Variants in NPAS3 observed in about 807,000 individuals in gnomAD.
NPAS3 encodes the protein neuronal PAS domain protein 3.
In NPAS3, 14 loss-of-function variants were observed where a neutral mutation model predicts 73.1. That is an observed-to-expected ratio of 0.19 (90% CI 0.13 to 0.30). NPAS3 has a LOEUF of 0.30. Ranked by LOEUF, NPAS3 falls within the 10% of genes least tolerant of loss-of-function variation. The pLI is 1.00. For missense variants in NPAS3, 1,096 were observed against 1,250.0 expected, an observed-to-expected ratio of 0.88 and a Z score of 1.86; for synonymous variants, 620 against 541.5, an observed-to-expected ratio of 1.14 and a Z score of -2.01.
At chr14:33,346,693 T>G (rs1217087358) in intron 3 of NPAS3, among the ~76,000 whole-genome samples, 2 of 152,206 alleles carry the variant, frequency 1.3e-5, no homozygotes, top group African/African-American at 4.8e-5. Context: ...AAGCAGAGCT[T>G]GAGTTCCTAG....
At chr14:33,267,009 G>A (rs989339434) in intron 3 of NPAS3, among the ~76,000 whole-genome samples, 1 of 152,114 alleles carries the variant, frequency 6.6e-6, no homozygotes, top group African/African-American at 2.4e-5. Context: ...TTTGGGATGG[G>A]TAATTGCCAG....
At chr14:33,543,997 A>ATATATCTATATC (rs1336636713) in intron 4 of NPAS3, among the ~76,000 whole-genome samples, 3 of 61,882 alleles carry the variant, frequency 4.8e-5, no homozygotes, top group South Asian at 4.8e-4. Context: ...ATATATATAT[A>ATATATCTATATC]TATATCTATA....
At chr14:33,537,636 G>A (rs1012023194) in intron 4 of NPAS3, among the ~76,000 whole-genome samples, 1 of 152,184 alleles carries the variant, frequency 6.6e-6, no homozygotes, top group Non-Finnish European at 1.5e-5. Context: ...TGCTAAATGA[G>A]CAAGGTAGTT....
In NPAS3 at chr14:33,121,265, AC is replaced by A. The variant is rs2043220566; in HGVS notation, c.140+65272del. The stretch of plus-strand genomic sequence containing the variant: ...ATATCCTTTTATTTTTCACCTGATG[AC>A]TTTTATTCATACTTGACGAACCAGT... On this transcript the variant is annotated intron_variant, in intron 2 of 11. Transcript: ENST00000356141. 1.3e-5 allele frequency among the ~76,000 whole-genome samples: 2 copies of A among 152,098 alleles called. 1 individual carries two copies. The highest frequency in any genetic ancestry group is 4.1e-4 in the South Asian group (2 of 4,828).
chr14:33,362,049 C>T (rs2045628882), intron 3 of NPAS3, among the ~76,000 whole-genome samples: 1 of 152,120 alleles, frequency 6.6e-6, no homozygotes, highest in Admixed American at 6.5e-5. Flanking sequence ...AAAACAATAA[C>T]AGTGCGTCAT....
intron 1 of NPAS3, among the ~76,000 whole-genome samples, chr14:32,982,494 G>C (rs1477437271): frequency 6.6e-6 from 1 of 151,964 alleles, no homozygotes; most frequent in Non-Finnish European, 1.5e-5. Flanking sequence ...AGGATTGCTT[G>C]AGCCCAGGAG....
intron 9 of NPAS3, among the ~76,000 whole-genome samples, chr14:33,790,551 T>C (rs546236606): frequency 7.1e-6 from 1 of 141,368 alleles, no homozygotes; most frequent in African/African-American, 2.7e-5. Flanking sequence ...CCAGTATGAC[T>C]TTTTTTTTTT....
intron 4 of NPAS3, among the ~76,000 whole-genome samples, chr14:33,373,563 T>C (rs1368826052): frequency 6.6e-6 from 1 of 152,180 alleles, no homozygotes; most frequent in African/African-American, 2.4e-5. Context: ...AACATGTTTG[T>C]ACATAACTAA....
chr14:33,007,426 C>A (rs1352697630), intron 1 of NPAS3, among the ~76,000 whole-genome samples: 1 of 152,170 alleles, frequency 6.6e-6, no homozygotes, highest in Non-Finnish European at 1.5e-5. Context: ...AATCAGCAGT[C>A]AGACTGAGGG....
intron 4 of NPAS3, among the ~76,000 whole-genome samples, chr14:33,504,052 C>A (rs1361485038): frequency 2.6e-5 from 4 of 151,836 alleles, no homozygotes; most frequent in African/African-American, 9.7e-5. Flanking sequence ...TTACTGACAC[C>A]CACCGCACAT....
chr14:33,593,394 A>T (rs1301562273), intron 5 of NPAS3, among the ~76,000 whole-genome samples: 4 of 152,238 alleles, frequency 2.6e-5, no homozygotes, highest in Non-Finnish European at 5.9e-5. Flanking sequence ...TGCATGATAC[A>T]TGGGAAATGC....
chr14:33,544,056 T>C (rs188695455), intron 4 of NPAS3, among the ~76,000 whole-genome samples: 22 of 130,546 alleles, frequency 1.7e-4, no homozygotes, highest in African/African-American at 6.5e-4. Flanking sequence ...GTAGAGTCCT[T>C]CTCCCAGGGT....
intron 6 of NPAS3, among the ~76,000 whole-genome samples, chr14:33,697,251 T>C (rs966247227): frequency 2.5e-4 from 38 of 152,186 alleles, no homozygotes; most frequent in African/African-American, 8.9e-4. Flanking sequence ...TACCTATGTC[T>C]ATCAGACAGC....
At chr14:33,747,872 T>G (rs1028042148) in intron 7 of NPAS3, among the ~76,000 whole-genome samples, 13 of 152,214 alleles carry the variant, frequency 8.5e-5, no homozygotes, top group Non-Finnish European at 1.8e-4. Flanking sequence ...CACTTCGATT[T>G]CTGCTGAAAC....
chr14:33,693,708 C>T (rs184177971), intron 6 of NPAS3, among the ~76,000 whole-genome samples: 81 of 152,262 alleles, frequency 5.3e-4, no homozygotes, highest in Non-Finnish European at 9.7e-4. Flanking sequence ...TTAATATGCA[C>T]TAAAATTGAT....
chr14:33,723,586 T>C (rs1221712717), intron 6 of NPAS3, among the ~76,000 whole-genome samples: 1 of 151,990 alleles, frequency 6.6e-6, no homozygotes, highest in African/African-American at 2.4e-5. Flanking sequence ...CCCTCTCCAG[T>C]GCAACTGTCC....
chr14:33,291,208 T>C (rs1392042520), intron 3 of NPAS3, among the ~76,000 whole-genome samples: 1 of 152,138 alleles, frequency 6.6e-6, no homozygotes, highest in Non-Finnish European at 1.5e-5. Context: ...AGCTTAAAAG[T>C]ATATCAGCTT....
chr14:33,321,046 CT>C (rs1284916103), intron 3 of NPAS3, among the ~76,000 whole-genome samples: 1 of 152,116 alleles, frequency 6.6e-6, no homozygotes, highest in Non-Finnish European at 1.5e-5. Context: ...AGATGAGTTT[CT>C]TTAACCTTCA....
At chr14:32,962,810 G>A (rs553440549) in intron 1 of NPAS3, among the ~76,000 whole-genome samples, 5 of 150,662 alleles carry the variant, frequency 3.3e-5, no homozygotes, top group East Asian at 1.9e-4. Context: ...TGATCTGCTC[G>A]CCTTGGCCTC....
Sources: gnomAD v4.1 joint callset for allele counts (sites outside exome capture counted in the v4.1 genomes callset) on GRCh38, gnomAD v4.1.1 for gene constraint, MANE v1.5 for transcripts, NCBI Gene and HGNC (gene_info 2026-07-23, HGNC 2026-07-21) for gene names.